TNFAIP8: variants seen among roughly 807,000 people sequenced by gnomAD.
TNFAIP8 encodes tumor necrosis factor alpha-induced protein 8.
TNFAIP8 carries 7 observed loss-of-function variants against 13.3 expected under a neutral mutation model. The observed-to-expected ratio is 0.52, with a 90% CI of 0.30 to 0.99. TNFAIP8 has a LOEUF of 0.99. TNFAIP8 is among the 50% of genes least tolerant of loss of function. The pLI is 0.07. For missense variants in TNFAIP8, 258 were observed against 236.9 expected, an observed-to-expected ratio of 1.09 and a Z score of -0.58; for synonymous variants, 94 against 87.6, an observed-to-expected ratio of 1.07 and a Z score of -0.41.
chr5:119,284,658 G>A (rs183592884), intron 1 of TNFAIP8, among the ~76,000 whole-genome samples: 260 of 152,016 alleles, frequency 1.7e-3, no homozygotes, highest in Non-Finnish European at 3.0e-3. Context: ...TCCAGCCTGG[G>A]TGACAGAGCG....
intron 1 of TNFAIP8, 73 bp downstream of exon 1, chr5:119,356,194 G>C (rs533520719): frequency 7.4e-7 from 1 of 1,359,748 alleles, no homozygotes; most frequent in South Asian, 1.3e-5. Flanking sequence ...TGGTAGAAGA[G>C]GATGGGAGTT....
At chr5:119,364,913 G>A (rs528291129) in intron 1 of TNFAIP8, among the ~76,000 whole-genome samples, 28 of 134,170 alleles carry the variant, frequency 2.1e-4, no homozygotes, top group East Asian at 8.9e-4. Flanking sequence ...GTGCAGTGGC[G>A]CCATCTTGGC....
chr5:119,292,692 A>G (rs1446454325), intron 1 of TNFAIP8, among the ~76,000 whole-genome samples: 1 of 18,604 alleles, frequency 5.4e-5, no homozygotes, highest in Admixed American at 7.2e-4. Flanking sequence ...ATATACACAC[A>G]CACACAATGA....
chr5:119,389,581 C>G (rs1316523652), intron 1 of TNFAIP8, among the ~76,000 whole-genome samples: 2 of 152,118 alleles, frequency 1.3e-5, no homozygotes, highest in Non-Finnish European at 2.9e-5. Context: ...GAGCACAGAC[C>G]ACACATCCCT....
At chr5:119,390,353 T>G (rs1752845617) in intron 1 of TNFAIP8, among the ~76,000 whole-genome samples, 1 of 152,196 alleles carries the variant, frequency 6.6e-6, no homozygotes, top group African/African-American at 2.4e-5. Flanking sequence ...TAAGATGAAA[T>G]ATGGTCCCTG....
intron 1 of TNFAIP8, among the ~76,000 whole-genome samples, chr5:119,274,524 C>T (rs924014127): frequency 2.6e-5 from 4 of 152,232 alleles, no homozygotes; most frequent in Non-Finnish European, 4.4e-5. Flanking sequence ...GGTGAGTGAA[C>T]TCAGGCCTTC....
chr5:119,328,649 C>A (rs1402326925), intron 1 of TNFAIP8, among the ~76,000 whole-genome samples: 1 of 152,048 alleles, frequency 6.6e-6, no homozygotes, highest in African/African-American at 2.4e-5. Context: ...GAGGTTAAAA[C>A]AGAGAGAAAA....
upstream of TNFAIP8, among the ~76,000 whole-genome samples, chr5:119,351,853 G>A (rs1370244779): frequency 1.4e-5 from 2 of 142,818 alleles, no homozygotes; most frequent in African/African-American, 2.8e-5. Flanking sequence ...GCAGTGGCAC[G>A]ATCTCAGCTT....
At chr5:119,387,868 A>G (rs942420468) in intron 1 of TNFAIP8, among the ~76,000 whole-genome samples, 1 of 152,212 alleles carries the variant, frequency 6.6e-6, no homozygotes, top group African/African-American at 2.4e-5. Context: ...ATGTGGTGGT[A>G]ATGCTTTGTA....
rs1419134280 is a variant in TNFAIP8, at chr5:119,336,368, G to GCTGTAGAC, written c.2-56447_2-56440dup. Among the ~76,000 whole-genome samples, 10 of 152,306 alleles carry GCTGTAGAC rather than the reference G, an allele frequency of 6.6e-5. No homozygotes were observed. In the East Asian group the frequency reaches 1.9e-3, roughly 29 times the overall value. ...CCTGGGGGATACATAACCACATGCAGCTGTAGACTTCCAAGTACAGTGGTC... is the reference window on the plus strand; with the variant it reads ...CCTGGGGGATACATAACCACATGCAGCTGTAGACCTGTAGACTTCCAAGTACAGTGGTC... On this transcript the variant is annotated intron_variant, in intron 1 of 1. Transcript: ENST00000274456.
chr5:119,338,205 CACACA>C (rs1562006802), intron 1 of TNFAIP8, among the ~76,000 whole-genome samples: 3,369 of 147,306 alleles, frequency 0.023, 148 homozygotes, highest in African/African-American at 0.083. Flanking sequence ...CACACACACA[CACACA>C]CCTTCTCAGC....
chr5:119,305,603 G>A (rs2112660082), intron 1 of TNFAIP8, among the ~76,000 whole-genome samples: 1 of 152,162 alleles, frequency 6.6e-6, no homozygotes, highest in South Asian at 2.1e-4. Context: ...GATCCCATCT[G>A]TTAAGAGTTT....
rs1753125550 is a variant in TNFAIP8, at chr5:119,398,604, C to G, written c.*5223C>G. The G allele has an allele frequency of 6.6e-6, 1 of 151,788 alleles. No individual in the cohort carries two copies. The allele number at this position is 151,788 out of a possible 1,614,324, so 9.4% of individuals were successfully genotyped here. On this transcript the variant is annotated 3_prime_UTR_variant, in exon 2 of 2. Coordinates refer to ENST00000504771, the MANE Select transcript of TNFAIP8 (RefSeq NM_014350.4). ...CTGAGGCAGGAGAACCACTTGAACC[C>G]AGGAGGCAGAGGTTGCAGTGAGCCA... is the stretch of plus-strand genomic sequence containing the variant.
intron 1 of TNFAIP8, among the ~76,000 whole-genome samples, chr5:119,389,786 G>A (rs1182861908): frequency 6.6e-6 from 1 of 152,198 alleles, no homozygotes; most frequent in Non-Finnish European, 1.5e-5. Context: ...AAAGGAAAGT[G>A]TGACACAGCT....
Position 119,397,040 on chromosome 5 carries a change from G to A in TNFAIP8, c.*3659G>A, listed in dbSNP as rs1209789271. The A allele has an allele frequency of 4.2e-5, 6 of 144,286 alleles. No homozygotes were observed. In the East Asian group the frequency reaches 8.0e-4, roughly 19 times the overall value. 8.9% of individuals were successfully genotyped at this position (144,286 alleles called of 1,614,324 possible). ...AAAGCATGAGTTAAGAACTTTGATC[G>A]TACAGAAATATTGCGTTTTAAACTC... is the stretch of plus-strand genomic sequence containing the variant. On this transcript the variant is annotated 3_prime_UTR_variant, in exon 2 of 2. Coordinates refer to ENST00000504771, the MANE Select transcript of TNFAIP8 (RefSeq NM_014350.4).
intron 1 of TNFAIP8, among the ~76,000 whole-genome samples, chr5:119,312,690 A>C (rs1749768542): frequency 6.8e-6 from 1 of 147,924 alleles, no homozygotes; most frequent in African/African-American, 2.5e-5. Flanking sequence ...CCTTGAGCTC[A>C]GGAGTTCGAG....
chr5:119,302,416 A>T (rs1749424010), intron 1 of TNFAIP8, among the ~76,000 whole-genome samples: 1 of 152,164 alleles, frequency 6.6e-6, no homozygotes, highest in East Asian at 1.9e-4. Context: ...CTAGAATCCC[A>T]TTTTCTCCTC....
chr5:119,356,224 C>G (rs1037638364), intron 1 of TNFAIP8, 103 bp downstream of exon 1: 1 of 1,075,922 alleles, frequency 9.3e-7, no homozygotes, highest in Admixed American at 2.5e-5. Context: ...GCGGTGGGCA[C>G]TTTGTCCGCT....
At chr5:119,287,945 C>T (rs927617132) in intron 1 of TNFAIP8, among the ~76,000 whole-genome samples, 5 of 152,164 alleles carry the variant, frequency 3.3e-5, no homozygotes, top group African/African-American at 1.2e-4. Flanking sequence ...CTCAGTTGGT[C>T]TAGACAGTCA....
Sources: allele counts gnomAD v4.1 joint callset (sites outside exome capture counted in the v4.1 genomes callset), GRCh38; gene constraint gnomAD v4.1.1; transcripts MANE v1.5; gene names NCBI Gene and HGNC (gene_info 2026-07-23, HGNC 2026-07-21).